Variants in CFLAR observed in about 807,000 individuals in gnomAD.
The protein encoded by CFLAR is CASP8 and FADD-like apoptosis regulator.
In CFLAR, 14 loss-of-function variants were observed where a neutral mutation model predicts 51.1. The ratio of observed to expected loss-of-function variants is 0.27; its 90% CI spans 0.18 to 0.43. CFLAR has a LOEUF of 0.43. CFLAR is among the 20% of genes least tolerant of loss of function. The probability of loss-of-function intolerance (pLI) is 1.00; values close to 1 mark genes in which losing one functional copy is unlikely to be tolerated. For synonymous variants in CFLAR, 210 were observed against 211.6 expected (o/e 0.99, Z 0.06); for missense variants, 390 against 566.5 (o/e 0.69, Z 3.16).
chr2:201,176,156 AG>A lies in CFLAR; in HGVS notation c.*12186del, dbSNP rs1240147700. ...GCAGGTGACCTGAGAAACCAGGTGCAGGGCTTGCCCTCTTGACTTGGGGTTT... is the reference window on the plus strand; with the variant it reads ...GCAGGTGACCTGAGAAACCAGGTGCAGGCTTGCCCTCTTGACTTGGGGTTT... On this transcript the variant is annotated 3_prime_UTR_variant, in exon 10 of 10. Coordinates refer to ENST00000309955, the MANE Select transcript of CFLAR (RefSeq NM_003879.7). 1 of 152,176 alleles carries A rather than the reference AG, an allele frequency of 6.6e-6. No individual in the cohort carries two copies. The highest frequency in any genetic ancestry group is 1.5e-5 in the Non-Finnish European group (1 of 68,068). The allele number at this position is 152,176 out of a possible 1,614,324, so 9.4% of individuals were successfully genotyped here.
chr2:201,141,616 A>T, intron 5 of CFLAR: 1 of 1,315,950 alleles, frequency 7.6e-7, no homozygotes, highest in Non-Finnish European at 9.7e-7. Flanking sequence ...TTGTTTTTTT[A>T]CTGAGCTAAT....
chr2:201,154,888 G>C (rs1010281923), intron 8 of CFLAR, among the ~76,000 whole-genome samples: 6 of 152,262 alleles, frequency 3.9e-5, no homozygotes, highest in African/African-American at 1.4e-4. Context: ...GGTGGAGTCT[G>C]ATCTCAGAGC....
Position 201,164,036 on chromosome 2 carries a change from AG to A in CFLAR, c.*66del. On this transcript the variant is annotated 3_prime_UTR_variant, in exon 10 of 10. Coordinates refer to ENST00000309955, the MANE Select transcript of CFLAR (RefSeq NM_003879.7). The stretch of plus-strand genomic sequence containing the variant: ...ATCCCAGCACTTTGGGAGGCCAAGG[AG>A]GGCAGATCACTTCAGGTCAGGAGTT... 1 of 1,405,344 alleles carries A rather than the reference AG, an allele frequency of 7.1e-7. No homozygotes were observed. The allele number at this position is 1,405,344 out of a possible 1,614,324, so 87.1% of individuals were successfully genotyped here.
At chr2:201,154,662 A>G (rs1301702779) in intron 8 of CFLAR, 1 of 152,252 alleles carries the variant, frequency 6.6e-6, no homozygotes, top group Non-Finnish European at 1.5e-5. Context: ...GTGTGTTTCT[A>G]AAAGCCATTC....
intron 3 of CFLAR, among the ~76,000 whole-genome samples, chr2:201,134,617 A>G (rs1246715963): frequency 6.6e-6 from 1 of 151,256 alleles, no homozygotes; most frequent in Non-Finnish European, 1.5e-5. Context: ...CCTGGGCTAT[A>G]GAGCCAGACT....
At chr2:201,137,934 G>A in intron 4 of CFLAR, 1 of 761,448 alleles carries the variant, frequency 1.3e-6, no homozygotes, top group East Asian at 2.5e-5. Context: ...TAGGGCCAGG[G>A]CCTTGACCAC....
At chr2:201,118,000 C>T (rs1297440925) in intron 1 of CFLAR, among the ~76,000 whole-genome samples, 1 of 152,002 alleles carries the variant, frequency 6.6e-6, no homozygotes, top group Non-Finnish European at 1.5e-5. Flanking sequence ...GGTGATCCGC[C>T]CGCCTCGGCA....
In CFLAR at chr2:201,160,663, G is replaced by C. The variant is rs1559249345; in HGVS notation, c.1025G>C (p.Gly342Ala). Residue 342 changes from glycine to alanine, a missense_variant, in exon 9 of 10, where the codon GGA (glycine) becomes GCA (alanine). Gly to Ala is a moderately conservative substitution (Grantham distance 60). Around this residue, in one of 2 missense-constraint regions of CFLAR, gnomAD observed 287 missense variants for 363.6 expected, o/e 0.79. Coordinates refer to ENST00000309955, the MANE Select transcript of CFLAR (RefSeq NM_003879.7). Reference sequence around the variant, plus strand: ...CATCACATCAGGAGGATGTTCATGGGAGATTCATGCCCTTATCTAGCAGGG... The same window carrying C: ...CATCACATCAGGAGGATGTTCATGGCAGATTCATGCCCTTATCTAGCAGGG... The part of the protein sequence containing the change: ...PLHHIRRMFM[G>A]DSCPYLAGKP... The C allele has an allele frequency of 1.9e-6, 3 of 1,614,148 alleles. No homozygotes were observed. The highest frequency in any genetic ancestry group is 1.6e-4 in the Middle Eastern group (1 of 6,062).
chr2:201,136,945 G>A lies in CFLAR; in HGVS notation c.523+838G>A, dbSNP rs561905273. ...GTGGTGAGTCAGGAATGACAGGCAG[G>A]CAGCCATGACCAGGGCAGCCTCCTC... On this transcript the variant is annotated intron_variant, in intron 4 of 9. Coordinates refer to ENST00000309955, the MANE Select transcript of CFLAR (RefSeq NM_003879.7). The A allele has an allele frequency of 5.3e-4, 105 of 196,796 alleles. 2 individuals carry two copies. The Middle Eastern group carries it at 9.3e-3, about 18-fold the overall frequency. The allele number at this position is 196,796 out of a possible 1,614,324, so 12.2% of individuals were successfully genotyped here.
chr2:201,160,646 C>T lies in CFLAR; in HGVS notation c.1008C>T (p.Ile336=). ...QTHSGLPLHH[I]RRMFMGDSCP... is the part of the protein sequence containing the mutation. ...ACTCAGGGCTCCCCCTGCATCACAT[C>T]AGGAGGATGTTCATGGGAGATTCAT... Residue 336 remains isoleucine (I), a synonymous_variant, in exon 9 of 10, where the codon ATC becomes ATT. Transcript: ENST00000309955. 6.2e-7 allele frequency: 1 copy of T among 1,614,090 alleles called. No homozygotes were observed. The highest frequency in any genetic ancestry group is 8.5e-7 in the Non-Finnish European group (1 of 1,180,020).
chr2:201,153,903 CTTTTTTTTTTTT>C (rs747813572), intron 8 of CFLAR, among the ~76,000 whole-genome samples: 4 of 103,024 alleles, frequency 3.9e-5, no homozygotes, highest in East Asian at 2.6e-4. Flanking sequence ...TCTTTTCTTT[CTTTTTTTTTTTT>C]TTTTTTTTTT....
At chr2:201,117,456 C>A (rs2047719572) in intron 1 of CFLAR, among the ~76,000 whole-genome samples, 1 of 152,190 alleles carries the variant, frequency 6.6e-6, no homozygotes, top group Admixed American at 6.5e-5. Context: ...GAAGTAAATT[C>A]AAGGACGCCA....
At chr2:201,130,170 G>C in intron 2 of CFLAR, 24 bp downstream of exon 2, 1 of 1,410,280 alleles carries the variant, frequency 7.1e-7, no homozygotes, top group South Asian at 1.7e-5. Context: ...TCTTCCTGAG[G>C]CTGGGTGGGT....
chr2:201,134,446 C>A (rs1257099485), intron 3 of CFLAR, among the ~76,000 whole-genome samples: 11 of 151,880 alleles, frequency 7.2e-5, no homozygotes, highest in Admixed American at 7.2e-4. Context: ...ACCAGCCTGG[C>A]CAACATGGCA....
At chr2:201,140,081 A>G in intron 4 of CFLAR, 3 of 87,258 alleles carry the variant, frequency 3.4e-5, no homozygotes, top group South Asian at 8.6e-5. Context: ...TGCGACGCGG[A>G]GGCGCGCCGC....
At chr2:201,141,747 G>T (rs1938942399) in intron 5 of CFLAR, 1 of 687,814 alleles carries the variant, frequency 1.5e-6, no homozygotes, top group Non-Finnish European at 1.9e-6. Flanking sequence ...CTAGTACTTA[G>T]TACAAGGTAT....
rs1943946209 is a variant in CFLAR at position 201,170,482 on chromosome 2, G to C, written c.*6509G>C. ...GATGAAGGAACTGTTTTATTCACTT[G>C]CTGATAATTCAGCCTAATCCAGTTT... On this transcript the variant is annotated 3_prime_UTR_variant, in exon 10 of 10. Coordinates refer to ENST00000309955, the MANE Select transcript of CFLAR (RefSeq NM_003879.7). 1 of 152,202 alleles carries C rather than the reference G, an allele frequency of 6.6e-6. No individual in the cohort carries two copies. Among genetic ancestry groups the C allele is most frequent in the South Asian group, 2.1e-4 (1 of 4,830 alleles). The allele number at this position is 152,202 out of a possible 1,614,324, so 9.4% of individuals were successfully genotyped here.
chr2:201,174,492 C>T lies in CFLAR; in HGVS notation c.*10519C>T, dbSNP rs1175121969. ...CACACTGTCTTGATTATTGTAACTTCGTAGTAAGTTTTGGAATCCAGAAAT... is the reference window on the plus strand; with the variant it reads ...CACACTGTCTTGATTATTGTAACTTTGTAGTAAGTTTTGGAATCCAGAAAT... On this transcript the variant is annotated 3_prime_UTR_variant, in exon 10 of 10. Coordinates refer to ENST00000309955, the MANE Select transcript of CFLAR (RefSeq NM_003879.7). 8.5e-5 allele frequency: 13 copies of T among 152,154 alleles called. No individual in the cohort carries two copies. Among genetic ancestry groups the T allele is most frequent in the Admixed American group, 7.2e-4 (11 of 15,282 alleles). 9.4% of individuals were successfully genotyped at this position (152,154 alleles called of 1,614,324 possible). A position where few individuals can be genotyped will look rare whatever the true frequency, so the allele number is the denominator to read the frequency against.
intron 9 of CFLAR, chr2:201,163,046 C>T (rs1158583114): frequency 2.6e-6 from 2 of 757,378 alleles, no homozygotes; most frequent in Admixed American, 1.7e-5. Context: ...ATGCATTTTT[C>T]AAGCCTCGGA....
Sources: gnomAD v4.1 joint callset for allele counts (sites outside exome capture counted in the v4.1 genomes callset) on GRCh38, gnomAD v4.1.1 for gene constraint, gnomAD v4.1.1 regional missense constraint, MANE v1.5 for transcripts, NCBI Gene and HGNC (gene_info 2026-07-23, HGNC 2026-07-21) for gene names.